TIAM1: variants seen among roughly 807,000 people sequenced by gnomAD.
TIAM1 encodes the protein TIAM Rac1 associated GEF 1.
Under a neutral mutation model 163.5 loss-of-function variants are expected in TIAM1, and 65 were observed. That is an observed-to-expected ratio of 0.40 (90% CI 0.33 to 0.49). The LOEUF is 0.49. Ranked by LOEUF, TIAM1 falls within the 20% of genes least tolerant of loss-of-function variation. The probability of loss-of-function intolerance (pLI) is 0.77; values close to 1 mark genes in which losing one functional copy is unlikely to be tolerated. For synonymous variants in TIAM1, 833 were observed against 810.1 expected, an observed-to-expected ratio of 1.03 and a Z score of -0.48; for missense variants, 1,789 against 2,044.7, an observed-to-expected ratio of 0.87 and a Z score of 2.41.
intron 2 of TIAM1, among the ~76,000 whole-genome samples, chr21:31,442,092 A>ATATATATATATAT (rs1555982243): frequency 2.5e-5 from 1 of 40,168 alleles, no homozygotes; most frequent in Admixed American, 2.4e-4. Context: ...TATATAGAAC[A>ATATATATATATAT]ATAAGGGTAT....
intron 1 of TIAM1, among the ~76,000 whole-genome samples, chr21:31,527,147 C>T (rs2047814880): frequency 6.6e-6 from 1 of 152,276 alleles, no homozygotes; most frequent in Non-Finnish European, 1.5e-5. Flanking sequence ...ACAGCTGGAG[C>T]CTAGAAGCTC....
Position 31,410,581 on chromosome 21 carries a change from G to A in TIAM1, c.-369+53402C>T, listed in dbSNP as rs571384669. ...TGTGAGCAACTGTGTAAGAATGTGTGCATATGTGTATGAGACTGTGTGAGA... is the reference window on the plus strand; with the variant it reads ...TGTGAGCAACTGTGTAAGAATGTGTACATATGTGTATGAGACTGTGTGAGA... On this transcript the variant is annotated intron_variant, in intron 2 of 28. Transcript: ENST00000286827. 2.0e-5 allele frequency among the ~76,000 whole-genome samples: 3 copies of A among 152,192 alleles called. No individual in the cohort carries two copies. In the South Asian group the frequency reaches 6.2e-4, roughly 32 times the overall value.
chr21:31,291,213 A>T (rs1166204189), intron 2 of TIAM1, among the ~76,000 whole-genome samples: 2 of 152,230 alleles, frequency 1.3e-5, no homozygotes, highest in East Asian at 3.8e-4. Flanking sequence ...GTAAGAAGCC[A>T]AGAAATTTCA....
At position 31,237,362 on chromosome 21, in the gene TIAM1, A is replaced by G. The variant is rs151308289; in HGVS notation, c.1584+8126T>C. ...CCTCAAGTCTGACACACACAGCTAGACATGGCTTCCAAGGTAGTTCTCTTG... is the reference window on the plus strand; with the variant it reads ...CCTCAAGTCTGACACACACAGCTAGGCATGGCTTCCAAGGTAGTTCTCTTG... On this transcript the variant is annotated intron_variant, in intron 6 of 27. Coordinates refer to ENST00000541036, the MANE Select transcript of TIAM1 (RefSeq NM_001353694.2). Among the ~76,000 whole-genome samples, 75 of 152,384 alleles carry G rather than the reference A, an allele frequency of 4.9e-4. 1 individual carries two copies. In the East Asian group the frequency reaches 0.013, roughly 26 times the overall value.
rs1601627154 is a variant in TIAM1 at position 31,228,259 on chromosome 21, A to AAAAAAG, written c.1585-2310_1585-2309insCTTTTT. ...AAAAAAAAAAAAAAAAAAAAAAAAAAGGAAGGAAAAAAAGAATCCAAGATG... is the reference window on the plus strand; with the variant it reads ...AAAAAAAAAAAAAAAAAAAAAAAAAAAAAAAGGGAAGGAAAAAAAGAATCCAAGATG... On this transcript the variant is annotated intron_variant, in intron 6 of 27. Coordinates refer to ENST00000541036, the MANE Select transcript of TIAM1 (RefSeq NM_001353694.2). 6.4e-4 allele frequency among the ~76,000 whole-genome samples: 53 copies of AAAAAAG among 82,842 alleles called. 2 individuals carry two copies. Among genetic ancestry groups the AAAAAAG allele is most frequent in the Admixed American group, 4.9e-3 (36 of 7,398 alleles). The allele number at this position is 82,842 out of a possible 152,430, so 54.3% of individuals were successfully genotyped here.
chr21:31,472,709 G>T (rs1008163345), intron 1 of TIAM1, among the ~76,000 whole-genome samples: 3 of 152,162 alleles, frequency 2.0e-5, no homozygotes, highest in Non-Finnish European at 2.9e-5. Flanking sequence ...CCTAAGATGG[G>T]TTCTGTAATT....
intron 9 of TIAM1, among the ~76,000 whole-genome samples, chr21:31,215,574 A>G (rs1162983130): frequency 6.6e-6 from 1 of 150,516 alleles, no homozygotes; most frequent in East Asian, 1.9e-4. Flanking sequence ...AAAAGAAAAA[A>G]AAAAAAAAAA....
chr21:31,500,536 G>A (rs1387371152), intron 1 of TIAM1, among the ~76,000 whole-genome samples: 2 of 152,134 alleles, frequency 1.3e-5, no homozygotes, highest in Non-Finnish European at 2.9e-5. Context: ...CCAGTAGCTT[G>A]GAATATGACC....
chr21:31,388,666 TA>T (rs34205347), intron 2 of TIAM1, among the ~76,000 whole-genome samples: 11 of 145,108 alleles, frequency 7.6e-5, no homozygotes, highest in African/African-American at 7.5e-5. Context: ...TCTTAAAAAA[TA>T]AAAAAAAAAA....
At chr21:31,134,795 G>C (rs1414066029) in intron 23 of TIAM1, among the ~76,000 whole-genome samples, 7 of 152,170 alleles carry the variant, frequency 4.6e-5, no homozygotes, top group Non-Finnish European at 8.8e-5. Flanking sequence ...ACAGGTGTGA[G>C]CCACCACACC....
At chr21:31,187,462 A>G (rs962126200) in intron 13 of TIAM1, among the ~76,000 whole-genome samples, 5 of 152,248 alleles carry the variant, frequency 3.3e-5, no homozygotes, top group African/African-American at 9.6e-5. Flanking sequence ...CATCAAATCT[A>G]TGTCCTAGAA....
At chr21:31,508,227 G>A (rs999887441) in intron 1 of TIAM1, among the ~76,000 whole-genome samples, 1 of 152,158 alleles carries the variant, frequency 6.6e-6, no homozygotes, top group African/African-American at 2.4e-5. Context: ...GACTACATTT[G>A]CATTGCTTGA....
intron 6 of TIAM1, among the ~76,000 whole-genome samples, chr21:31,244,113 T>C (rs940982757): frequency 2.0e-5 from 3 of 152,232 alleles, no homozygotes; most frequent in African/African-American, 7.2e-5. Flanking sequence ...CACTCTTCTT[T>C]CTGTGTTTTA....
At chr21:31,394,726 TCTCACACACACA>T (rs1253642305) in intron 2 of TIAM1, among the ~76,000 whole-genome samples, 50 of 81,658 alleles carry the variant, frequency 6.1e-4, no homozygotes, top group South Asian at 3.9e-3. Context: ...TCTCTCTCTC[TCTCACACACACA>T]CACACACACA....
intron 2 of TIAM1, among the ~76,000 whole-genome samples, chr21:31,387,703 G>C (rs1399588434): frequency 6.6e-6 from 1 of 152,170 alleles, no homozygotes; most frequent in Non-Finnish European, 1.5e-5. Context: ...AGCCCCAGTG[G>C]TGGGCGGCTC....
chr21:31,492,776 TACACACACAC>T (rs3055373), intron 1 of TIAM1, among the ~76,000 whole-genome samples: 16,497 of 139,670 alleles, frequency 0.12, 1,017 homozygotes, highest in Middle Eastern at 0.13. Context: ...TATTTTGGGT[TACACACACAC>T]ACACACACAC....
chr21:31,414,169 T>A (rs902644015), intron 2 of TIAM1, among the ~76,000 whole-genome samples: 8 of 152,150 alleles, frequency 5.3e-5, no homozygotes, highest in Admixed American at 4.6e-4. Context: ...TTGGCAAGCC[T>A]CGAAAATGGC....
intron 2 of TIAM1, among the ~76,000 whole-genome samples, chr21:31,359,845 G>A (rs2076377884): frequency 7.3e-6 from 1 of 136,390 alleles, no homozygotes; most frequent in Admixed American, 7.2e-5. Flanking sequence ...AGGAAGGAAG[G>A]AAGGAAGGAA....
chr21:31,448,082 C>G (rs533021453), intron 2 of TIAM1, among the ~76,000 whole-genome samples: 2 of 152,282 alleles, frequency 1.3e-5, no homozygotes, highest in East Asian at 3.9e-4. Context: ...ATATCTTTCA[C>G]TCAGTCTACT....
Sources: allele counts gnomAD v4.1 joint callset (sites outside exome capture counted in the v4.1 genomes callset), GRCh38; gene constraint gnomAD v4.1.1; transcripts MANE v1.5; gene names NCBI Gene and HGNC (gene_info 2026-07-23, HGNC 2026-07-21).